Variants in KIAA1217 observed in about 807,000 individuals in gnomAD.
The protein encoded by KIAA1217 is sickle tail protein homolog.
A neutral mutation model predicts 163.9 loss-of-function variants in KIAA1217; 88 were observed. That is an observed-to-expected ratio of 0.54 (90% CI 0.45 to 0.64). The LOEUF (loss-of-function observed/expected upper bound fraction) is 0.64. Among genes scored for constraint, KIAA1217 ranks in the 30% least tolerant of loss-of-function variants. The probability of loss-of-function intolerance (pLI) is 0.00; values close to 1 mark genes in which losing one functional copy is unlikely to be tolerated. For missense variants in KIAA1217, 2,372 were observed against 2,475.0 expected (o/e 0.96, Z 0.88); for synonymous variants, 903 against 923.1 (o/e 0.98, Z 0.39).
At chr10:23,726,944 ATTCCATGCCAT>A (rs998790929) in intron 1 of KIAA1217, among the ~76,000 whole-genome samples, 1 of 146,330 alleles carries the variant, frequency 6.8e-6, no homozygotes, top group African/African-American at 2.5e-5. Flanking sequence ...AGGATATTTA[ATTCCATGCCAT>A]TTCCATGCCA....
At chr10:24,047,647 C>T (rs1369113621) in intron 2 of KIAA1217, among the ~76,000 whole-genome samples, 2 of 152,176 alleles carry the variant, frequency 1.3e-5, no homozygotes, top group African/African-American at 2.4e-5. Context: ...TGCTACCTTG[C>T]CTTATTCTTT....
In KIAA1217 at chr10:23,790,422, CATATATACATATACAT is replaced by C. The variant is rs1279405170; in HGVS notation, c.-321+95194_-321+95209del. ...ATACATATATACATATACATATATA[CATATATACATATACAT>C]ATATACATATATACATGTGCATATA... On this transcript the variant is annotated intron_variant, in intron 1 of 18. Coordinates refer to the KIAA1217 transcript ENST00000376462. Among the ~76,000 whole-genome samples the C allele has an allele frequency of 5.5e-5, 6 of 109,064 alleles. 3 individuals carry two copies. The highest frequency in any genetic ancestry group is 1.9e-4 in the Admixed American group (2 of 10,396). The allele number at this position is 109,064 out of a possible 152,430, so 71.6% of individuals were successfully genotyped here.
chr10:24,524,442 C>T lies in KIAA1217; in HGVS notation c.2576C>T (p.Ser859Phe), dbSNP rs771612255. The T allele has an allele frequency of 1.2e-6, 2 of 1,614,248 alleles. No homozygotes were observed. Among genetic ancestry groups the T allele is most frequent in the South Asian group, 1.1e-5 (1 of 91,086 alleles). The change falls in exon 13 of 21, where the codon TCC (serine) becomes TTC (phenylalanine). Residue 859 changes from serine (S) to phenylalanine (F), a missense_variant. Transcript: ENST00000376454. ...LKSQEEAAHT[S>F]GQPFHSTGAP... is the part of the protein sequence containing the mutation. ...AGTCAGGAGGAGGCAGCCCACACCT[C>T]CGGCCAGCCCTTCCACAGCACAGGT...
rs758367708 is a variant in KIAA1217, at chr10:24,088,256, C to CATATATATATATATATATATATATATAT, written c.-171+80901_-171+80902insTATATATATATATATATATATATATATA. 1.1e-3 allele frequency among the ~76,000 whole-genome samples: 102 copies of CATATATATATATATATATATATATATAT among 95,750 alleles called. 3 individuals are homozygous for CATATATATATATATATATATATATATAT. Among genetic ancestry groups the CATATATATATATATATATATATATATAT allele is most frequent in the Middle Eastern group, 6.4e-3 (1 of 156 alleles). The allele number at this position is 95,750 out of a possible 152,430, so 62.8% of individuals were successfully genotyped here. ...TCCCAGGCTCTGTTTTTTTAATATA[C>CATATATATATATATATATATATATATAT]ATATATATATATATATATACACACA... is the stretch of plus-strand genomic sequence containing the variant. On this transcript the variant is annotated intron_variant, in intron 2 of 18. Transcript: ENST00000376462.
intron 9 of KIAA1217, among the ~76,000 whole-genome samples, chr10:24,509,481 T>G (rs897534505): frequency 6.6e-6 from 1 of 152,138 alleles, no homozygotes; most frequent in African/African-American, 2.4e-5. Flanking sequence ...TCTAGTGGAG[T>G]AAGTCTAGTT....
chr10:24,528,141 G>A, intron 14 of KIAA1217, 22 bp downstream of exon 14: 1 of 1,610,724 alleles, frequency 6.2e-7, no homozygotes, highest in Non-Finnish European at 8.5e-7. Context: ...TCCCACAGCA[G>A]GAATATATGG....
chr10:24,357,781 C>T (rs926623497), intron 2 of KIAA1217, among the ~76,000 whole-genome samples: 16 of 152,048 alleles, frequency 1.1e-4, no homozygotes, highest in African/African-American at 3.1e-4. Context: ...GGTGTGAGAG[C>T]GACCAAGAAG....
chr10:23,752,368 A>G (rs1308630845), intron 1 of KIAA1217, among the ~76,000 whole-genome samples: 1 of 152,228 alleles, frequency 6.6e-6, no homozygotes, highest in Non-Finnish European at 1.5e-5. Flanking sequence ...TTTTTAAGAC[A>G]GGAAGTCATT....
chr10:23,971,385 C>T (rs530529835), intron 1 of KIAA1217, among the ~76,000 whole-genome samples: 1 of 152,320 alleles, frequency 6.6e-6, no homozygotes. Flanking sequence ...GACAACCTTT[C>T]CCTGGCCCCC....
At chr10:24,149,338 C>T (rs2064489540) in intron 2 of KIAA1217, among the ~76,000 whole-genome samples, 1 of 152,044 alleles carries the variant, frequency 6.6e-6, no homozygotes, top group African/African-American at 2.4e-5. Context: ...TGCCACCATG[C>T]CCGACTAATT....
At chr10:23,979,413 C>A (rs1052449650) in intron 1 of KIAA1217, among the ~76,000 whole-genome samples, 35 of 152,190 alleles carry the variant, frequency 2.3e-4, no homozygotes, top group African/African-American at 8.0e-4. Flanking sequence ...TTGGATTCCC[C>A]AAACACAAAC....
chr10:23,745,389 C>A (rs192315423), intron 1 of KIAA1217, among the ~76,000 whole-genome samples: 3 of 152,134 alleles, frequency 2.0e-5, no homozygotes, highest in African/African-American at 7.2e-5. Flanking sequence ...AATAACATCA[C>A]GTCGAGTTGC....
At chr10:24,075,125 C>CAA (rs2061327797) in intron 2 of KIAA1217, among the ~76,000 whole-genome samples, 2 of 117,294 alleles carry the variant, frequency 1.7e-5, no homozygotes, top group South Asian at 4.6e-4. Flanking sequence ...TAAATACACA[C>CAA]ACACACACAC....
chr10:24,061,941 T>C (rs2060738903), intron 2 of KIAA1217, among the ~76,000 whole-genome samples: 1 of 152,154 alleles, frequency 6.6e-6, no homozygotes, highest in Non-Finnish European at 1.5e-5. Context: ...TTTGAGAATC[T>C]TTCAACCATT....
chr10:24,099,783 C>A (rs2131712700), intron 2 of KIAA1217, among the ~76,000 whole-genome samples: 1 of 140,944 alleles, frequency 7.1e-6, no homozygotes, highest in Middle Eastern at 3.8e-3. Context: ...TGTTCCCCTT[C>A]CTGTGTCCAA....
At chr10:24,063,886 C>T (rs541081471) in intron 2 of KIAA1217, among the ~76,000 whole-genome samples, 2 of 152,196 alleles carry the variant, frequency 1.3e-5, no homozygotes, top group South Asian at 4.1e-4. Flanking sequence ...CCTAGGTATT[C>T]TATTCCCTTT....
chr10:23,749,570 G>A (rs1839622866), intron 1 of KIAA1217, among the ~76,000 whole-genome samples: 1 of 152,146 alleles, frequency 6.6e-6, no homozygotes, highest in Admixed American at 6.5e-5. Flanking sequence ...ACCATGCCCA[G>A]CTGATTTTTG....
intron 1 of KIAA1217, among the ~76,000 whole-genome samples, chr10:23,997,188 A>G (rs1456066571): frequency 6.6e-6 from 1 of 152,220 alleles, no homozygotes; most frequent in African/African-American, 2.4e-5. Context: ...ACTTGCAGGA[A>G]GTTCTACTGT....
chr10:24,523,476 A>G (rs2071613639), intron 12 of KIAA1217, among the ~76,000 whole-genome samples: 1 of 152,232 alleles, frequency 6.6e-6, no homozygotes, highest in Non-Finnish European at 1.5e-5. Context: ...ATAGAATGCA[A>G]TGTCTTTTTT....
Sources: gnomAD v4.1 joint callset for allele counts (sites outside exome capture counted in the v4.1 genomes callset) on GRCh38, gnomAD v4.1.1 for gene constraint, MANE v1.5 for transcripts, NCBI Gene and HGNC (gene_info 2026-07-23, HGNC 2026-07-21) for gene names.